The following C14orf132 variants were observed in gnomAD, a reference collection of about 807,000 sequenced individuals.
The protein encoded by C14orf132 is uncharacterized protein C14orf132.
Under a neutral mutation model 5.8 loss-of-function variants are expected in C14orf132, and 6 were observed. That is an observed-to-expected ratio of 1.03 (90% CI 0.57 to 2.04). The LOEUF (loss-of-function observed/expected upper bound fraction) is 2.04, where lower values mean the gene tolerates loss of function less well. C14orf132 is among the 30% of genes most tolerant of loss of function. The probability of loss-of-function intolerance (pLI) is 0.00; values close to 1 mark genes in which losing one functional copy is unlikely to be tolerated. For synonymous variants in C14orf132, 51 were observed against 49.8 expected, an observed-to-expected ratio of 1.02 and a Z score of -0.10; for missense variants, 125 against 115.8, an observed-to-expected ratio of 1.08 and a Z score of -0.37.
intron 1 of C14orf132, among the ~76,000 whole-genome samples, chr14:96,081,763 T>A (rs926791302): frequency 6.6e-6 from 1 of 152,022 alleles, no homozygotes; most frequent in African/African-American, 2.4e-5. Flanking sequence ...CACACTCCGC[T>A]AATTTTTTTT....
In C14orf132 at chr14:96,092,310, G is replaced by A. The variant is rs1805886555; in HGVS notation, c.*5575G>A. 1 of 152,176 alleles carries A rather than the reference G, an allele frequency of 6.6e-6. No individual in the cohort carries two copies. Among genetic ancestry groups the A allele is most frequent in the South Asian group, 2.1e-4 (1 of 4,822 alleles). The allele number at this position is 152,176 out of a possible 1,614,324, so 9.4% of individuals were successfully genotyped here. ...ATGGCTCCATCCAGACATTTGGCAA[G>A]GCTGTCATCTGCTCTTGGGTCCTTT... On this transcript the variant is annotated 3_prime_UTR_variant, in exon 2 of 2. Transcript: ENST00000555004.
At chr14:96,041,244 T>C (rs1886687261) in intron 1 of C14orf132, among the ~76,000 whole-genome samples, 1 of 152,212 alleles carries the variant, frequency 6.6e-6, no homozygotes, top group Admixed American at 6.5e-5. Flanking sequence ...GCACCTACTA[T>C]GTGCCAGACG....
intron 1 of C14orf132, among the ~76,000 whole-genome samples, chr14:96,064,690 G>C (rs1479869946): frequency 6.6e-6 from 1 of 151,788 alleles, no homozygotes; most frequent in African/African-American, 2.4e-5. Flanking sequence ...GTGGAAGAGG[G>C]GGCATAAAAG....
chr14:96,068,666 T>C (rs1054394275), intron 1 of C14orf132, among the ~76,000 whole-genome samples: 2 of 152,264 alleles, frequency 1.3e-5, no homozygotes, highest in East Asian at 3.9e-4. Flanking sequence ...GCCACATTCA[T>C]CAGCAAAAGC....
At chr14:96,046,859 T>G (rs1424280361) in intron 1 of C14orf132, among the ~76,000 whole-genome samples, 1 of 152,192 alleles carries the variant, frequency 6.6e-6, no homozygotes, top group African/African-American at 2.4e-5. Flanking sequence ...ACAAAAGACA[T>G]CTCTTCCTAT....
chr14:96,065,034 C>A (rs1887490009), intron 1 of C14orf132, among the ~76,000 whole-genome samples: 1 of 152,112 alleles, frequency 6.6e-6, no homozygotes, highest in African/African-American at 2.4e-5. Flanking sequence ...GTCTTCCTCC[C>A]ATACATAGGT....
At chr14:96,058,046 A>G (rs1200446136) in intron 1 of C14orf132, among the ~76,000 whole-genome samples, 2 of 152,164 alleles carry the variant, frequency 1.3e-5, no homozygotes, top group Non-Finnish European at 2.9e-5. Context: ...CCTCACCACC[A>G]TGCTCTGAAG....
intron 1 of C14orf132, among the ~76,000 whole-genome samples, chr14:96,041,202 C>A (rs147474917): frequency 0.011 from 1,605 of 152,318 alleles, 8 homozygotes; most frequent in South Asian, 0.036. Context: ...TGAAGTACCA[C>A]ACATATGAGA....
intron 1 of C14orf132, among the ~76,000 whole-genome samples, chr14:96,042,744 C>G (rs1044863212): frequency 7.9e-5 from 12 of 152,194 alleles, no homozygotes; most frequent in African/African-American, 2.7e-4. Context: ...GCTGCAGGCA[C>G]TGAGAGTGTG....
At chr14:96,045,825 G>C (rs144820306) in intron 1 of C14orf132, among the ~76,000 whole-genome samples, 5 of 152,208 alleles carry the variant, frequency 3.3e-5, no homozygotes, top group African/African-American at 1.2e-4. Context: ...TTGTGCTGAC[G>C]ATTTTGTGGG....
chr14:96,049,734 T>A (rs1886976069), intron 1 of C14orf132, among the ~76,000 whole-genome samples: 2 of 147,652 alleles, frequency 1.4e-5, no homozygotes, highest in African/African-American at 5.0e-5. Context: ...CACCTGAAGT[T>A]GTCTTAGAGC....
chr14:96,054,532 C>G (rs969263648), intron 1 of C14orf132, among the ~76,000 whole-genome samples: 13 of 152,138 alleles, frequency 8.5e-5, no homozygotes, highest in African/African-American at 3.1e-4. Context: ...GTTTCCCTTT[C>G]TGTTAAATGG....
intron 1 of C14orf132, among the ~76,000 whole-genome samples, chr14:96,056,239 T>C (rs1049852580): frequency 1.3e-4 from 20 of 152,310 alleles, no homozygotes; most frequent in African/African-American, 4.8e-4. Flanking sequence ...GCAGCAGCAA[T>C]TGGCTGTACA....
At chr14:96,064,379 C>CAT (rs1183780404) in intron 1 of C14orf132, among the ~76,000 whole-genome samples, 1 of 148,940 alleles carries the variant, frequency 6.7e-6, no homozygotes, top group African/African-American at 2.5e-5. Flanking sequence ...CACACACACA[C>CAT]ACACACACAC....
chr14:96,040,041 G>A lies in C14orf132; in HGVS notation c.27+514G>A, dbSNP rs370548302. ...GAGACCCGCTTTGTGACCGTGACCC[G>A]CCAAGCGTCGACGCGCCGCGGTCGT... On this transcript the variant is annotated intron_variant, in intron 1 of 1. Coordinates refer to ENST00000555004, the MANE Select transcript of C14orf132 (RefSeq NM_001252507.3). Among the ~76,000 whole-genome samples, 4 of 151,624 alleles carry A rather than the reference G, an allele frequency of 2.6e-5. No individual in the cohort carries two copies. The South Asian group carries it at 6.3e-4, about 24-fold the overall frequency.
At chr14:96,064,223 C>G (rs1384668934) in intron 1 of C14orf132, among the ~76,000 whole-genome samples, 1 of 151,710 alleles carries the variant, frequency 6.6e-6, no homozygotes, top group Non-Finnish European at 1.5e-5. Flanking sequence ...GTGTATCTAC[C>G]CAGAGGAAAA....
chr14:96,080,693 A>G (rs1377759999), intron 1 of C14orf132, among the ~76,000 whole-genome samples: 1 of 152,126 alleles, frequency 6.6e-6, no homozygotes, highest in Non-Finnish European at 1.5e-5. Flanking sequence ...CAGCATGGAG[A>G]CTGTTGGGAA....
At chr14:96,069,935 A>G (rs1395219042) in intron 1 of C14orf132, among the ~76,000 whole-genome samples, 1 of 152,216 alleles carries the variant, frequency 6.6e-6, no homozygotes, top group Non-Finnish European at 1.5e-5. Context: ...ACCTGTGCTC[A>G]TTAGCATTTC....
At position 96,092,324 on chromosome 14, in the gene C14orf132, C is replaced by T. The variant is rs995584631; in HGVS notation, c.*5589C>T. The T allele has an allele frequency of 5.3e-5, 8 of 152,218 alleles. No individual in the cohort carries two copies. Among genetic ancestry groups the T allele is most frequent in the African/African-American group, 1.9e-4 (8 of 41,460 alleles). The allele number at this position is 152,218 out of a possible 1,614,324, so 9.4% of individuals were successfully genotyped here. On this transcript the variant is annotated 3_prime_UTR_variant, in exon 2 of 2. Transcript: ENST00000555004. ...ACATTTGGCAAGGCTGTCATCTGCT[C>T]TTGGGTCCTTTTTCAAGCTGATTTC...
Sources: allele counts gnomAD v4.1 joint callset (sites outside exome capture counted in the v4.1 genomes callset), GRCh38; gene constraint gnomAD v4.1.1; transcripts MANE v1.5; gene names NCBI Gene and HGNC (gene_info 2026-07-23, HGNC 2026-07-21).